The following RPL28 variants were observed in gnomAD, a reference collection of about 807,000 sequenced individuals.
RPL28 encodes the protein ribosomal protein L28.
A neutral mutation model predicts 12.5 loss-of-function variants in RPL28; 4 were observed. The observed-to-expected ratio is 0.32, with a 90% CI of 0.16 to 0.73. The LOEUF is 0.73. Among genes scored for constraint, RPL28 ranks in the 30% least tolerant of loss-of-function variants. The probability of loss-of-function intolerance (pLI) is 0.66; values close to 1 mark genes in which losing one functional copy is unlikely to be tolerated. For synonymous variants in RPL28, 91 were observed against 72.5 expected (o/e 1.26, Z -1.30); for missense variants, 214 against 197.7 (o/e 1.08, Z -0.49).
At chr19:55,386,531 G>GTCCCT (rs1357090136) in intron 2 of RPL28, 39 bp from the exon 3 acceptor site, 1 of 1,600,552 alleles carries the variant, frequency 6.2e-7, no homozygotes, top group East Asian at 2.2e-5. Context: ...ATGTCTCCGG[G>GTCCCT]TCCCTTATTC....
At position 55,389,636 on chromosome 19, in the gene RPL28, G is replaced by C. The variant is rs898270063; in HGVS notation, c.*1304G>C. ...TTTTGAGGCAGACCACTGCCCTTCC[G>C]ACCTCAGTCCTGTCTGCTCCAGTCT... On this transcript the variant is annotated 3_prime_UTR_variant, in exon 5 of 5. Coordinates refer to ENST00000344063, the MANE Select transcript of RPL28 (RefSeq NM_000991.5). 2.0e-6 allele frequency: 2 copies of C among 985,368 alleles called. No homozygotes were observed. Among genetic ancestry groups the C allele is most frequent in the Admixed American group, 1.2e-4 (2 of 16,258 alleles). The allele number at this position is 985,368 out of a possible 1,614,324, so 61.0% of individuals were successfully genotyped here.
intron 4 of RPL28, among the ~76,000 whole-genome samples, chr19:55,399,558 T>G (rs2090042871): frequency 2.0e-5 from 3 of 152,174 alleles, no homozygotes; most frequent in Non-Finnish European, 2.9e-5. Context: ...AGCCCCTCTC[T>G]TCCCAGAGGT....
chr19:55,391,787 A>C lies in RPL28; in HGVS notation c.*3455A>C. The C allele has an allele frequency of 3.6e-6, 4 of 1,110,324 alleles. No individual in the cohort carries two copies. The highest frequency in any genetic ancestry group is 3.6e-6 in the Non-Finnish European group (3 of 840,528). The allele number at this position is 1,110,324 out of a possible 1,614,324, so 68.8% of individuals were successfully genotyped here. The stretch of plus-strand genomic sequence containing the variant: ...TTTTATAAATATTTTGATCAGATGG[A>C]CTCATGATCACAGATGTCTTCACAT... On this transcript the variant is annotated 3_prime_UTR_variant, in exon 5 of 5. Coordinates refer to ENST00000344063, the MANE Select transcript of RPL28 (RefSeq NM_000991.5).
chr19:55,389,407 G>A lies in RPL28; in HGVS notation c.*1075G>A, dbSNP rs2089967829. 1 of 985,162 alleles carries A rather than the reference G, an allele frequency of 1.0e-6. No homozygotes were observed. The highest frequency in any genetic ancestry group is 4.7e-5 in the South Asian group (1 of 21,260). The allele number at this position is 985,162 out of a possible 1,614,324, so 61.0% of individuals were successfully genotyped here. On this transcript the variant is annotated 3_prime_UTR_variant, in exon 5 of 5. Transcript: ENST00000344063. ...TGCTGTTGATCCTCACATGTTTCCT[G>A]GGCACCTAACTCTGTCAGCCACTGC...
rs1272993995 is a variant in RPL28, at chr19:55,391,183, A to G, written c.*2851A>G. 4 of 207,782 alleles carry G rather than the reference A, an allele frequency of 1.9e-5. No individual in the cohort carries two copies. The highest frequency in any genetic ancestry group is 3.5e-5 in the Non-Finnish European group (4 of 113,058). The allele number at this position is 207,782 out of a possible 1,614,324, so 12.9% of individuals were successfully genotyped here. A position where few individuals can be genotyped will look rare whatever the true frequency, so the allele number is the denominator to read the frequency against. On this transcript the variant is annotated 3_prime_UTR_variant, in exon 5 of 5. Coordinates refer to ENST00000344063, the MANE Select transcript of RPL28 (RefSeq NM_000991.5). ...CCTCCCCCAGGTCATCCTATCCCCAAGAGTGATGCCCGGCAGCATTCCCAG... is the reference window on the plus strand; with the variant it reads ...CCTCCCCCAGGTCATCCTATCCCCAGGAGTGATGCCCGGCAGCATTCCCAG...
Position 55,391,473 on chromosome 19 carries a change from C to T in RPL28, c.*3141C>T. On this transcript the variant is annotated 3_prime_UTR_variant, in exon 5 of 5. Coordinates refer to ENST00000344063, the MANE Select transcript of RPL28 (RefSeq NM_000991.5). ...GGGCGCACCCTGGAAGGCTGCCAAG[C>T]CCAAAGTTGTGCAGAGCGCTGGGGA... is the stretch of plus-strand genomic sequence containing the variant. The T allele has an allele frequency of 7.3e-7, 1 of 1,372,746 alleles. No individual in the cohort carries two copies. Among genetic ancestry groups the T allele is most frequent in the Non-Finnish European group, 9.5e-7 (1 of 1,051,996 alleles). 85.0% of individuals were successfully genotyped at this position (1,372,746 alleles called of 1,614,324 possible).
chr19:55,389,985 G>C lies in RPL28; in HGVS notation c.*1653G>C, dbSNP rs779260253. The C allele has an allele frequency of 1.0e-6, 1 of 985,500 alleles. No homozygotes were observed. The highest frequency in any genetic ancestry group is 1.2e-6 in the Non-Finnish European group (1 of 829,976). The allele number at this position is 985,500 out of a possible 1,614,324, so 61.0% of individuals were successfully genotyped here. ...TTCATAAGGAGAGCTCACTGCTCAC[G>C]TTAGTAGATGGCCCCTTCTCGTGAG... On this transcript the variant is annotated 3_prime_UTR_variant, in exon 5 of 5. Coordinates refer to ENST00000344063, the MANE Select transcript of RPL28 (RefSeq NM_000991.5).
chr19:55,397,934 G>C (rs988662045), intron 4 of RPL28, among the ~76,000 whole-genome samples: 11 of 152,060 alleles, frequency 7.2e-5, no homozygotes, highest in Non-Finnish European at 1.5e-4. Flanking sequence ...GGTGGCTCAT[G>C]CCTGTAATCC....
rs2089991026 is a variant in RPL28, at chr19:55,391,649, C to T, written c.*3317C>T. 2.6e-6 allele frequency: 4 copies of T among 1,545,270 alleles called. No individual in the cohort carries two copies. Among genetic ancestry groups the T allele is most frequent in the Non-Finnish European group, 3.5e-6 (4 of 1,141,172 alleles). ...CCTCTCTGTGTCTTCGTACCCTCAT[C>T]TGTAACATGCGTGTCGATAGACCCT... is the stretch of plus-strand genomic sequence containing the variant. On this transcript the variant is annotated 3_prime_UTR_variant, in exon 5 of 5. Coordinates refer to ENST00000344063, the MANE Select transcript of RPL28 (RefSeq NM_000991.5).
chr19:55,388,809 G>C lies in RPL28; in HGVS notation c.*477G>C. On this transcript the variant is annotated 3_prime_UTR_variant, in exon 5 of 5. Transcript: ENST00000344063. ...AGATGAGATGACTTTTGCATCCAGGGAGTGGGTGCAGCCACATTTGGAGGG... is the reference window on the plus strand; with the variant it reads ...AGATGAGATGACTTTTGCATCCAGGCAGTGGGTGCAGCCACATTTGGAGGG... 1 of 989,838 alleles carries C rather than the reference G, an allele frequency of 1.0e-6. No individual in the cohort carries two copies. The highest frequency in any genetic ancestry group is 1.2e-6 in the Non-Finnish European group (1 of 833,028). The allele number at this position is 989,838 out of a possible 1,614,324, so 61.3% of individuals were successfully genotyped here. A position where few individuals can be genotyped will look rare whatever the true frequency, so the allele number is the denominator to read the frequency against.
chr19:55,398,904 G>A (rs577229174), intron 4 of RPL28, among the ~76,000 whole-genome samples: 3 of 152,134 alleles, frequency 2.0e-5, no homozygotes, highest in Admixed American at 6.5e-5. Flanking sequence ...GTTTCGCCAC[G>A]TTGGGCAGGC....
intron 1 of RPL28, 88 bp from the exon 2 acceptor site, chr19:55,386,262 C>A: frequency 7.9e-7 from 1 of 1,270,158 alleles, no homozygotes; most frequent in South Asian, 1.3e-5. Flanking sequence ...CAGTCGCTCT[C>A]TTCCTCTGCT....
chr19:55,397,481 G>C (rs955367501), intron 4 of RPL28, among the ~76,000 whole-genome samples: 1 of 152,112 alleles, frequency 6.6e-6, no homozygotes, highest in Non-Finnish European at 1.5e-5. Flanking sequence ...CCGGGTTCAC[G>C]CCATTCTCCT....
At position 55,389,945 on chromosome 19, in the gene RPL28, C is replaced by T. The variant is rs949052557; in HGVS notation, c.*1613C>T. The stretch of plus-strand genomic sequence containing the variant: ...GGCCCATCTCTGGCTGGCCTCACTG[C>T]GCTGGGACTCCGCCTTCATAAGGAG... On this transcript the variant is annotated 3_prime_UTR_variant, in exon 5 of 5. Transcript: ENST00000344063. The T allele has an allele frequency of 4.9e-5, 48 of 985,510 alleles. No individual in the cohort carries two copies. The highest frequency in any genetic ancestry group is 1.0e-3 in the Middle Eastern group (2 of 1,916). The allele number at this position is 985,510 out of a possible 1,614,324, so 61.0% of individuals were successfully genotyped here.
chr19:55,401,377 G>C (rs2090056354), intron 4 of RPL28: 7 of 1,128,124 alleles, frequency 6.2e-6, no homozygotes, highest in Middle Eastern at 3.0e-4. Flanking sequence ...CTTAGAGACA[G>C]AGTTGGAGGG....
At position 55,401,706 on chromosome 19, in the gene RPL28, C is replaced by T. The variant is rs377366101; in HGVS notation, c.325-1237C>T. 1.9e-5 allele frequency: 31 copies of T among 1,613,286 alleles called. No homozygotes were observed. In the Admixed American group the frequency reaches 2.3e-4, roughly 12 times the overall value. On this transcript the variant is annotated intron_variant, in intron 4 of 4. Transcript: ENST00000560055. ...CGTAGTTCTCCAAGAGCAGGCGGCC[C>T]GCCTCCTCGTTGAGTGCAGACTCGG...
chr19:55,394,200 A>G (rs572256435), downstream of RPL28, among the ~76,000 whole-genome samples: 2 of 152,094 alleles, frequency 1.3e-5, no homozygotes, highest in African/African-American at 2.4e-5. Flanking sequence ...AGGCGGAGGT[A>G]GCAGTGAGCC....
intron 4 of RPL28, among the ~76,000 whole-genome samples, chr19:55,398,770 C>T (rs943646707): frequency 6.6e-6 from 1 of 151,794 alleles, no homozygotes; most frequent in Non-Finnish European, 1.5e-5. Flanking sequence ...GGTGCAATCT[C>T]GGCTCACTGC....
chr19:55,386,724 G>A (rs772275672), intron 3 of RPL28, 31 bp downstream of exon 3: 1 of 1,612,730 alleles, frequency 6.2e-7, no homozygotes, highest in African/African-American at 1.3e-5. Context: ...GCCAGAGAGC[G>A]GCCCCTTTCC....
Sources: allele counts gnomAD v4.1 joint callset (sites outside exome capture counted in the v4.1 genomes callset), GRCh38; gene constraint gnomAD v4.1.1; transcripts MANE v1.5; gene names NCBI Gene and HGNC (gene_info 2026-07-23, HGNC 2026-07-21).